Variants in NLRP2 observed in about 807,000 individuals in gnomAD.
NLRP2 encodes NACHT, LRR and PYD domains-containing protein 2.
In NLRP2, 107 loss-of-function variants were observed where a neutral mutation model predicts 97.2. That is an observed-to-expected ratio of 1.10 (90% CI 0.94 to 1.29). The LOEUF is 1.29. NLRP2 is among the 50% of genes most tolerant of loss of function. The probability of loss-of-function intolerance (pLI) is 0.00; values close to 1 mark genes in which losing one functional copy is unlikely to be tolerated. For synonymous variants in NLRP2, 663 were observed against 551.5 expected (o/e 1.20, Z -2.83); for missense variants, 1,495 against 1,330.3 (o/e 1.12, Z -1.93).
intron 11 of NLRP2, 110 bp downstream of exon 11, chr19:54,994,549 T>C: frequency 9.0e-7 from 1 of 1,107,192 alleles, no homozygotes; most frequent in Non-Finnish European, 1.4e-6. Flanking sequence ...TGAGAGGACC[T>C]TTATAGAGTC....
At position 55,000,838 on chromosome 19, in the gene NLRP2, T is replaced by C. The variant is rs2073149878; in HGVS notation, c.3129T>C (p.Ile1043=). ...EIEEKNPQLI[I]DTEKHHPWAE... ...AAGAAAAAAACCCACAACTGATTAT[T>C]GATACTGAGAAACATCATCCCTGGG... is the stretch of plus-strand genomic sequence containing the variant. The change falls in exon 13 of 13, where the codon ATT becomes ATC. Residue 1043 remains isoleucine (I), a synonymous_variant. Transcript: ENST00000448584. 6.2e-7 allele frequency: 1 copy of C among 1,613,324 alleles called. No individual in the cohort carries two copies. The highest frequency in any genetic ancestry group is 1.3e-5 in the African/African-American group (1 of 74,898).
intron 4 of NLRP2, among the ~76,000 whole-genome samples, chr19:54,979,858 C>G (rs1397953392): frequency 6.6e-6 from 1 of 151,896 alleles, no homozygotes; most frequent in Non-Finnish European, 1.5e-5. Context: ...CCCACTGCAA[C>G]CTCTGCTACC....
intron 3 of NLRP2, among the ~76,000 whole-genome samples, chr19:54,977,487 T>TTGTGTGTGTGTGTG (rs61515967): frequency 9.4e-4 from 138 of 147,534 alleles, no homozygotes; most frequent in Middle Eastern, 6.9e-3. Flanking sequence ...CGTGAGTAGT[T>TTGTGTGTGTGTGTG]TGTGTGTGTG....
chr19:55,000,623 A>G, intron 12 of NLRP2, 137 bp from the exon 13 acceptor site: 1 of 836,258 alleles, frequency 1.2e-6, no homozygotes, highest in Admixed American at 2.4e-5. Flanking sequence ...AATGTGGAAC[A>G]CTCCTTTGCC....
chr19:54,983,133 G>A lies in NLRP2; in HGVS notation c.1435G>A (p.Asp479Asn), dbSNP rs143361632. Residue 479 changes from aspartate (D) to asparagine (N), a missense_variant, in exon 6 of 13, where the codon GAC becomes AAC. By Grantham distance (23) the Asp-to-Asn change is conservative. Coordinates refer to ENST00000448584, the MANE Select transcript of NLRP2 (RefSeq NM_017852.5). Reference protein sequence around the residue: ...DLERLGVQESDLRLFLDGDIL... With the variant: ...DLERLGVQESNLRLFLDGDIL... ...GGAAAGGCTCGGGGTGCAGGAGTCC[G>A]ACCTCCGTCTGTTCCTGGACGGAGA... 2.2e-5 allele frequency: 36 copies of A among 1,613,384 alleles called. No homozygotes were observed. The highest frequency in any genetic ancestry group is 9.4e-5 in the African/African-American group (7 of 74,786).
intron 8 of NLRP2, 143 bp downstream of exon 8, chr19:54,986,458 G>A (rs11667481): frequency 0.18 from 135,292 of 740,842 alleles, 14,672 homozygotes; most frequent in Non-Finnish European, 0.23. Flanking sequence ...ATGCAGCATG[G>A]GCTGAACTTG....
intron 9 of NLRP2, 21 bp from the exon 10 acceptor site, chr19:54,990,481 C>T: frequency 6.2e-7 from 1 of 1,613,726 alleles, no homozygotes. Flanking sequence ...AACCGTGTTG[C>T]CATTTGTGAT....
intron 4 of NLRP2, among the ~76,000 whole-genome samples, chr19:54,981,410 A>ATG (rs1568489861): frequency 2.0e-5 from 3 of 151,342 alleles, no homozygotes; most frequent in African/African-American, 7.3e-5. Context: ...CAAGTGATCC[A>ATG]CCCCACCTCA....
chr19:54,970,436 AG>A, intron 2 of NLRP2, 141 bp downstream of exon 2: 1 of 895,404 alleles, frequency 1.1e-6, no homozygotes, highest in Non-Finnish European at 1.8e-6. Flanking sequence ...GGACCACCTG[AG>A]GGTCAGGAGT....
intron 12 of NLRP2, among the ~76,000 whole-genome samples, chr19:54,997,882 C>T (rs1202558309): frequency 6.7e-6 from 1 of 150,020 alleles, no homozygotes; most frequent in African/African-American, 2.5e-5. Context: ...GCCTCAGTTC[C>T]TGAGTAGGTA....
intron 8 of NLRP2, among the ~76,000 whole-genome samples, chr19:54,986,730 T>C (rs1187258831): frequency 6.6e-6 from 1 of 152,084 alleles, no homozygotes; most frequent in Non-Finnish European, 1.5e-5. Flanking sequence ...TTTGTGCATT[T>C]AGTGGAGCTG....
At chr19:55,000,322 G>T (rs1285453489) in intron 12 of NLRP2, among the ~76,000 whole-genome samples, 1 of 108,442 alleles carries the variant, frequency 9.2e-6, no homozygotes, top group Non-Finnish European at 1.8e-5. Flanking sequence ...GATCGCCCAG[G>T]CTGGAGTACA....
intron 10 of NLRP2, chr19:54,993,690 C>G (rs2072633437): frequency 6.1e-6 from 1 of 163,924 alleles, no homozygotes; most frequent in Non-Finnish European, 1.3e-5. Flanking sequence ...ACTAAAAATA[C>G]AAAACTTAGC....
In NLRP2 at chr19:54,983,500, A is replaced by G; in HGVS notation, c.1802A>G (p.Asp601Gly). The change falls in exon 6 of 13, where the codon GAC becomes GGC. Residue 601 changes from aspartate to glycine, a missense_variant. Coordinates refer to ENST00000448584, the MANE Select transcript of NLRP2 (RefSeq NM_017852.5). ...AAGGGTGGACATTCAACGGTGACAG[A>G]CCTGCAGGAGCTCCTCGGCTGTCTG... Reference protein sequence around the residue: ...SCKGGHSTVTDLQELLGCLYE... With the variant: ...SCKGGHSTVTGLQELLGCLYE... The G allele has an allele frequency of 6.2e-7, 1 of 1,614,152 alleles. No homozygotes were observed. The highest frequency in any genetic ancestry group is 1.1e-5 in the South Asian group (1 of 91,074).
At chr19:54,968,943 C>T (rs540904089) in intron 1 of NLRP2, among the ~76,000 whole-genome samples, 3 of 151,926 alleles carry the variant, frequency 2.0e-5, no homozygotes, top group Non-Finnish European at 4.4e-5. Flanking sequence ...CCTCACGATC[C>T]GCCCGCCTCG....
intron 10 of NLRP2, chr19:54,991,580 A>T (rs2072479040): frequency 6.6e-6 from 1 of 151,424 alleles, no homozygotes; most frequent in East Asian, 2.0e-4. Flanking sequence ...ACAAATCTTT[A>T]GAAAGGAATT....
Position 54,966,403 on chromosome 19 carries a change from C to G in NLRP2, c.-82C>G. On this transcript the variant is annotated 5_prime_UTR_variant, in exon 1 of 13. Transcript: ENST00000448584. The stretch of plus-strand genomic sequence containing the variant: ...ACAGGGCTGCGGCCGAGAGAGAAGC[C>G]TTATTAGAGCTTTCTCAACCTGCAG... 1 of 152,054 alleles carries G rather than the reference C, an allele frequency of 6.6e-6. No homozygotes were observed. The highest frequency in any genetic ancestry group is 1.9e-4 in the East Asian group (1 of 5,182). 9.4% of individuals were successfully genotyped at this position (152,054 alleles called of 1,614,324 possible). A position where few individuals can be genotyped will look rare whatever the true frequency, so the allele number is the denominator to read the frequency against.
At chr19:54,966,967 A>G (rs1028970170) in intron 1 of NLRP2, among the ~76,000 whole-genome samples, 6 of 150,052 alleles carry the variant, frequency 4.0e-5, no homozygotes, top group African/African-American at 1.5e-4. Flanking sequence ...TCAGCCTTTG[A>G]AGTAGCTGGG....
At position 54,984,329 on chromosome 19, in the gene NLRP2, G is replaced by GTGTGTTTTTTTTTTTTTT; in HGVS notation, c.2030+602_2030+603insGTGTTTTTTTTTTTTTTT. 7.4e-4 allele frequency among the ~76,000 whole-genome samples: 59 copies of GTGTGTTTTTTTTTTTTTT among 79,672 alleles called. 6 individuals carry two copies. The highest frequency in any genetic ancestry group is 1.2e-3 in the Non-Finnish European group (48 of 39,966). 52.3% of individuals were successfully genotyped at this position (79,672 alleles called of 152,430 possible). ...AACTTAAGTGGGGGTTTTTTTTTGT[G>GTGTGTTTTTTTTTTTTTT]TTTTTTTTTTTTTTTTTTTTTTTGG... On this transcript the variant is annotated intron_variant, in intron 6 of 12. Coordinates refer to ENST00000448584, the MANE Select transcript of NLRP2 (RefSeq NM_017852.5).
Sources: gnomAD v4.1 joint callset for allele counts (sites outside exome capture counted in the v4.1 genomes callset) on GRCh38, gnomAD v4.1.1 for gene constraint, MANE v1.5 for transcripts, NCBI Gene and HGNC (gene_info 2026-07-23, HGNC 2026-07-21) for gene names.